The following NTSR2 variants were observed in gnomAD, a reference collection of about 807,000 sequenced individuals.
NTSR2 encodes neurotensin receptor 2.
In NTSR2, 22 loss-of-function variants were observed where a neutral mutation model predicts 24.1. The ratio of observed to expected loss-of-function variants is 0.91; its 90% CI spans 0.65 to 1.30. The LOEUF is 1.30. NTSR2 is among the 50% of genes most tolerant of loss of function. NTSR2 has a pLI of 0.00. For synonymous variants in NTSR2, 291 were observed against 267.0 expected, an observed-to-expected ratio of 1.09 and a Z score of -0.88; for missense variants, 570 against 570.4, an observed-to-expected ratio of 1.00 and a Z score of 0.01.
At chr2:11,661,327 G>T (rs533767178) in intron 2 of NTSR2, among the ~76,000 whole-genome samples, 2 of 152,212 alleles carry the variant, frequency 1.3e-5, no homozygotes, top group African/African-American at 4.8e-5. Context: ...ACCTTCATGT[G>T]CTGACTTTGT....
chr2:11,670,019 C>T lies in NTSR2; in HGVS notation c.111G>A (p.Ala37=). 3 of 1,516,760 alleles carry T rather than the reference C, an allele frequency of 2.0e-6. No individual in the cohort carries two copies. The highest frequency in any genetic ancestry group is 1.2e-5 in the South Asian group (1 of 81,018). The allele number at this position is 1,516,760 out of a possible 1,614,324, so 94.0% of individuals were successfully genotyped here. The change falls in exon 1 of 4, where the codon GCG becomes GCA. Residue 37 remains alanine, a synonymous_variant. Coordinates refer to ENST00000306928, the MANE Select transcript of NTSR2 (RefSeq NM_012344.4). ...TRLWAKVLFT[A]LYALIWALGA... Reference sequence around the variant, plus strand: ...CCAGCGCCCAGATGAGTGCGTAGAGCGCGGTGAACAGCACCTTGGCCCAGA... The same window carrying T: ...CCAGCGCCCAGATGAGTGCGTAGAGTGCGGTGAACAGCACCTTGGCCCAGA...
Position 11,669,487 on chromosome 2 carries a change from C to A in NTSR2, c.624+19G>T. The stretch of plus-strand genomic sequence containing the variant: ...CCCCCCACCCCCCCTCCCCCGACTC[C>A]CGCTCTCCACGCCCTTACCTGGATA... On this transcript the variant is annotated intron_variant, in intron 1 of 3. Coordinates refer to ENST00000306928, the MANE Select transcript of NTSR2 (RefSeq NM_012344.4). 8.0e-7 allele frequency: 1 copy of A among 1,247,320 alleles called. No individual in the cohort carries two copies. The highest frequency in any genetic ancestry group is 1.0e-6 in the Non-Finnish European group (1 of 981,602). 77.3% of individuals were successfully genotyped at this position (1,247,320 alleles called of 1,614,324 possible). A position where few individuals can be genotyped will look rare whatever the true frequency, so the allele number is the denominator to read the frequency against.
Position 11,660,053 on chromosome 2 carries a change from C to T in NTSR2, c.979G>A (p.Ala327Thr), listed in dbSNP as rs369671796. Residue 327 changes from alanine to threonine, a missense_variant, in exon 3 of 4, where the codon GCG (alanine) becomes ACG (threonine). Ala to Thr is a moderately conservative substitution (Grantham distance 58, BLOSUM62 0). Transcript: ENST00000306928. ...TTCTGCCACACTCACTCAGTCCACG[C>T]GTCATCAGGTACGTAGCAGTACATG... ...RLMYCYVPDD[A>T]WTDPLYNFYH... 59 of 1,613,784 alleles carry T rather than the reference C, an allele frequency of 3.7e-5. No homozygotes were observed. The highest frequency in any genetic ancestry group is 1.6e-4 in the Middle Eastern group (1 of 6,062).
chr2:11,668,975 C>G (rs943325491), intron 1 of NTSR2, among the ~76,000 whole-genome samples: 4 of 151,990 alleles, frequency 2.6e-5, no homozygotes, highest in African/African-American at 9.7e-5. Flanking sequence ...TCGGGGAAAG[C>G]GGGAGCAAGA....
chr2:11,662,008 AC>A lies in NTSR2; in HGVS notation c.856del (p.Val286CysfsTer57). The A allele has an allele frequency of 6.2e-7, 1 of 1,611,960 alleles. No individual in the cohort carries two copies. The highest frequency in any genetic ancestry group is 8.5e-7 in the Non-Finnish European group (1 of 1,179,044). On this transcript the variant is annotated frameshift_variant, in exon 2 of 4. Transcript: ENST00000306928. LOFTEE classifies it high-confidence loss of function. ...GCGCTGGAGGCTGCGGATCCGGCGC[AC>A]GTCTTTATGTCTCACCAGGCTGACC... ...GQVSLVRHKDVRRIRSLQRSV... is the reference protein window; with the variant it reads ...GQVSLVRHKDXRRIRSLQRSV...
chr2:11,660,219 C>A, intron 2 of NTSR2, 86 bp from the exon 3 acceptor site: 1 of 1,028,616 alleles, frequency 9.7e-7, no homozygotes, highest in South Asian at 1.3e-5. Context: ...GGCTGATGCC[C>A]GAGGGGATAG....
intron 3 of NTSR2, 94 bp downstream of exon 3, chr2:11,659,949 G>T (rs1243449276): frequency 2.1e-6 from 2 of 946,660 alleles, no homozygotes; most frequent in Non-Finnish European, 1.7e-6. Flanking sequence ...AGAGGACCCA[G>T]CAATGGAGGG....
Position 11,670,064 on chromosome 2 carries a change from C to A in NTSR2, c.66G>T (p.Arg22=). 1.4e-6 allele frequency: 2 copies of A among 1,469,756 alleles called. No individual in the cohort carries two copies. Among genetic ancestry groups the A allele is most frequent in the South Asian group, 2.7e-5 (2 of 74,846 alleles). 91.0% of individuals were successfully genotyped at this position (1,469,756 alleles called of 1,614,324 possible). A position where few individuals can be genotyped will look rare whatever the true frequency, so the allele number is the denominator to read the frequency against. The change falls in exon 1 of 4, where the codon CGG becomes CGT. Residue 22 remains arginine, a synonymous_variant. Coordinates refer to ENST00000306928, the MANE Select transcript of NTSR2 (RefSeq NM_012344.4). ...SSNPGLSLDA[R]LGVDTRLWAK... ...CCCAGAGGCGAGTGTCCACGCCCAG[C>A]CGGGCGTCCAGGCTCAGCCCCGGGT...
chr2:11,661,237 G>T (rs1661065109), intron 2 of NTSR2, among the ~76,000 whole-genome samples: 1 of 152,214 alleles, frequency 6.6e-6, no homozygotes, highest in Admixed American at 6.5e-5. Context: ...AGCGCAATAG[G>T]TCTCAAAAGC....
chr2:11,661,823 G>A (rs1661077420), intron 2 of NTSR2, 144 bp downstream of exon 2: 2 of 673,018 alleles, frequency 3.0e-6, no homozygotes, highest in Non-Finnish European at 4.9e-6. Context: ...GAAGTCTGTT[G>A]GTTATACAGT....
At chr2:11,669,461 C>CGGGGGGG in intron 1 of NTSR2, 45 bp downstream of exon 1, 1 of 137,946 alleles carries the variant, frequency 7.2e-6, no homozygotes, top group East Asian at 1.7e-4. Flanking sequence ...CCCAGCACCG[C>CGGGGGGG]CCCCCCACCC....
chr2:11,662,481 T>G (rs1212871945), intron 1 of NTSR2, among the ~76,000 whole-genome samples: 1 of 152,072 alleles, frequency 6.6e-6, no homozygotes. Context: ...GGAGGAAATT[T>G]TATTTAAAAA....
chr2:11,662,780 C>CAA (rs36081202), intron 1 of NTSR2, among the ~76,000 whole-genome samples: 44 of 149,914 alleles, frequency 2.9e-4, no homozygotes, highest in Non-Finnish European at 2.1e-4. Context: ...GACTCCGTCT[C>CAA]AAAAAAAAAA....
chr2:11,668,263 CT>C (rs1381505496), intron 1 of NTSR2, among the ~76,000 whole-genome samples: 2 of 152,222 alleles, frequency 1.3e-5, no homozygotes, highest in Admixed American at 1.3e-4. Flanking sequence ...TCCTCTACCC[CT>C]GCCCAGGGGA....
At chr2:11,667,679 T>G (rs1661234384) in intron 1 of NTSR2, among the ~76,000 whole-genome samples, 2 of 152,298 alleles carry the variant, frequency 1.3e-5, no homozygotes, top group Admixed American at 6.5e-5. Context: ...CCATGTAAAA[T>G]AAACAAGGAA....
rs145680805 is a variant in NTSR2 at position 11,661,970 on chromosome 2, G to A, written c.895C>T (p.Leu299Phe). The change falls in exon 2 of 4, where the codon CTC becomes TTC. Residue 299 changes from leucine to phenylalanine, a missense_variant. Coordinates refer to ENST00000306928, the MANE Select transcript of NTSR2 (RefSeq NM_012344.4). Reference protein sequence around the residue: ...IRSLQRSVQVLRAIVVMYVIC... With the variant: ...IRSLQRSVQVFRAIVVMYVIC... ...GTGATGTTACAGAGGACTTAACTGA[G>A]AACCTGGACGCTGCGCTGGAGGCTG... The A allele has an allele frequency of 2.5e-5, 40 of 1,584,186 alleles. No homozygotes were observed. Among genetic ancestry groups the A allele is most frequent in the Non-Finnish European group, 3.3e-5 (39 of 1,165,212 alleles).
chr2:11,669,460 G>GGGCCCCCCCCCCCCCCCCCCCCCCCCCC, intron 1 of NTSR2, 46 bp downstream of exon 1: 1 of 254,726 alleles, frequency 3.9e-6, no homozygotes, highest in East Asian at 5.5e-5. Flanking sequence ...TCCCAGCACC[G>GGGCCCCCCCCCCCCCCCCCCCCCCCCCC]CCCCCCCACC....
rs1024210129 is a variant in NTSR2, at chr2:11,659,901, G to A, written c.989+142C>T. ...CCTGGCTGGGAGATTTCAAGGCACAGACTGCACGGGACCAGGTGGAATGCG... is the reference window on the plus strand; with the variant it reads ...CCTGGCTGGGAGATTTCAAGGCACAAACTGCACGGGACCAGGTGGAATGCG... On this transcript the variant is annotated intron_variant, in intron 3 of 3. Transcript: ENST00000306928. The A allele has an allele frequency of 9.3e-5, 57 of 616,062 alleles. 1 individual carries two copies. The highest frequency in any genetic ancestry group is 1.5e-4 in the Non-Finnish European group (52 of 344,472). The allele number at this position is 616,062 out of a possible 1,614,324, so 38.2% of individuals were successfully genotyped here. A position where few individuals can be genotyped will look rare whatever the true frequency, so the allele number is the denominator to read the frequency against.
At chr2:11,663,641 C>T (rs902384318) in intron 1 of NTSR2, among the ~76,000 whole-genome samples, 2 of 152,148 alleles carry the variant, frequency 1.3e-5, no homozygotes, top group Non-Finnish European at 2.9e-5. Flanking sequence ...GTCACAATTA[C>T]ATAAATACTG....
Sources: allele counts gnomAD v4.1 joint callset (sites outside exome capture counted in the v4.1 genomes callset), GRCh38; gene constraint gnomAD v4.1.1; transcripts MANE v1.5; gene names NCBI Gene and HGNC (gene_info 2026-07-23, HGNC 2026-07-21).